Variants in TBCK observed in about 807,000 individuals in gnomAD.
TBCK encodes TBC domain-containing protein kinase-like protein.
In TBCK, 99 loss-of-function variants were observed where a neutral mutation model predicts 113.4. The ratio of observed to expected loss-of-function variants is 0.87; its 90% CI spans 0.74 to 1.03. The LOEUF (loss-of-function observed/expected upper bound fraction) is 1.03. Ranked by LOEUF, TBCK falls within the 50% of genes least tolerant of loss-of-function variation. The pLI is 0.00. For missense variants in TBCK, 1,045 were observed against 1,061.3 expected (o/e 0.98, Z 0.21); for synonymous variants, 369 against 370.8 (o/e 1.00, Z 0.05).
chr4:106,252,070 ACAAT>A (rs1761499864), intron 5 of TBCK, 63 bp from the exon 6 acceptor site: 6 of 1,362,532 alleles, frequency 4.4e-6, no homozygotes, highest in African/African-American at 1.4e-5. Context: ...GTACATTTTT[ACAAT>A]CAATGTGGTA....
chr4:106,157,533 G>A (rs963593965), intron 23 of TBCK, among the ~76,000 whole-genome samples: 1 of 152,140 alleles, frequency 6.6e-6, no homozygotes, highest in Non-Finnish European at 1.5e-5. Context: ...ACTGGGATGG[G>A]CAATTCCCCT....
chr4:106,261,820 C>T (rs1487201269), intron 4 of TBCK, among the ~76,000 whole-genome samples: 1 of 151,628 alleles, frequency 6.6e-6, no homozygotes, highest in African/African-American at 2.4e-5. Context: ...CGCCACAAGG[C>T]TTTAGAAATA....
At chr4:106,212,151 T>A (rs1579255051) in intron 20 of TBCK, among the ~76,000 whole-genome samples, 1 of 152,146 alleles carries the variant, frequency 6.6e-6, no homozygotes, top group Non-Finnish European at 1.5e-5. Context: ...CTCTCCACTT[T>A]CATTTGTTAT....
At chr4:106,221,157 G>C (rs1435642309) in intron 19 of TBCK, among the ~76,000 whole-genome samples, 2 of 152,072 alleles carry the variant, frequency 1.3e-5, no homozygotes, top group Non-Finnish European at 2.9e-5. Context: ...GCTAATTTTT[G>C]TATTTTTAGT....
intron 25 of TBCK, among the ~76,000 whole-genome samples, chr4:106,093,593 T>G (rs970910882): frequency 2.0e-5 from 3 of 152,206 alleles, no homozygotes; most frequent in Non-Finnish European, 4.4e-5. Flanking sequence ...TGGTTTATGA[T>G]CAATAGTCTT....
intron 23 of TBCK, 78 bp from the exon 24 acceptor site, chr4:106,116,456 G>T: frequency 1.7e-6 from 2 of 1,166,640 alleles, no homozygotes; most frequent in South Asian, 1.4e-5. Flanking sequence ...AGAATATCTT[G>T]ATACCAAACA....
intron 25 of TBCK, among the ~76,000 whole-genome samples, chr4:106,089,294 C>G (rs1337263246): frequency 2.6e-5 from 4 of 152,148 alleles, no homozygotes; most frequent in African/African-American, 9.7e-5. Flanking sequence ...CACTTATTAC[C>G]ACTGGGAGGG....
At chr4:106,064,320 A>G (rs923056963) in intron 25 of TBCK, among the ~76,000 whole-genome samples, 1 of 152,000 alleles carries the variant, frequency 6.6e-6, no homozygotes, top group African/African-American at 2.4e-5. Flanking sequence ...GTTTAGTGAT[A>G]GAATATCCAC....
At chr4:106,188,305 G>A (rs1024186930) in intron 22 of TBCK, among the ~76,000 whole-genome samples, 1 of 152,142 alleles carries the variant, frequency 6.6e-6, no homozygotes, top group Non-Finnish European at 1.5e-5. Flanking sequence ...AGCAGTATAT[G>A]TAGGGATATT....
rs1467697225 is a variant in TBCK, at chr4:106,046,677, C to A, written c.2575G>T (p.Ala859Ser). 8 of 1,583,576 alleles carry A rather than the reference C, an allele frequency of 5.1e-6. No individual in the cohort carries two copies. The Admixed American group carries it at 5.2e-5, about 10-fold the overall frequency. ...TATTTCATCTTCACAAGGTGAGCTGCAAACTGGAAAAAAAAAGAGGCAAAA... is the reference window on the plus strand; with the variant it reads ...TATTTCATCTTCACAAGGTGAGCTGAAAACTGGAAAAAAAAAGAGGCAAAA... The part of the protein sequence containing the change: ...GHVAKHTAEF[A>S]AHLVKMKYPR... Residue 859 changes from alanine (A) to serine (S), a missense_variant, in exon 26 of 26, where the codon GCA (alanine) becomes TCA (serine). Coordinates refer to ENST00000394708, the MANE Select transcript of TBCK (RefSeq NM_001163435.3).
Position 106,042,175 on chromosome 4 carries a change from C to A in TBCK, c.*4395G>T, listed in dbSNP as rs532093285. On this transcript the variant is annotated 3_prime_UTR_variant, in exon 26 of 26. Transcript: ENST00000394708. ...CATTTTGCTTCCAATCTGATTTAAT[C>A]AACATTTATCAAGAAAAATGCATTA... 6.6e-6 allele frequency: 1 copy of A among 152,156 alleles called. No homozygotes were observed. The highest frequency in any genetic ancestry group is 2.4e-5 in the African/African-American group (1 of 41,424). 9.4% of individuals were successfully genotyped at this position (152,156 alleles called of 1,614,324 possible). A position where few individuals can be genotyped will look rare whatever the true frequency, so the allele number is the denominator to read the frequency against.
intron 19 of TBCK, among the ~76,000 whole-genome samples, chr4:106,219,641 C>G (rs1361314760): frequency 6.6e-6 from 1 of 151,784 alleles, no homozygotes; most frequent in East Asian, 1.9e-4. Flanking sequence ...TACTCAAGGG[C>G]AAGTAACTAT....
At chr4:106,131,262 G>A (rs755874420) in intron 23 of TBCK, among the ~76,000 whole-genome samples, 2 of 152,186 alleles carry the variant, frequency 1.3e-5, no homozygotes, top group Admixed American at 6.5e-5. Context: ...AATTAAACAT[G>A]TTTCCTTTAT....
chr4:106,223,607 G>C (rs1187534591), intron 19 of TBCK, among the ~76,000 whole-genome samples: 1 of 152,028 alleles, frequency 6.6e-6, no homozygotes, highest in African/African-American at 2.4e-5. Flanking sequence ...AAGATATACA[G>C]GTAAACAGAA....
chr4:106,197,376 A>G (rs1472937486), intron 20 of TBCK, among the ~76,000 whole-genome samples: 3 of 141,722 alleles, frequency 2.1e-5, no homozygotes, highest in Non-Finnish European at 4.5e-5. Context: ...GTACACAGAA[A>G]ACATATCTGA....
intron 23 of TBCK, among the ~76,000 whole-genome samples, chr4:106,128,006 T>C (rs1001696162): frequency 1.3e-5 from 2 of 152,028 alleles, no homozygotes; most frequent in African/African-American, 4.8e-5. Context: ...CCACCCAGTA[T>C]TCCTTAGAAA....
At chr4:106,171,463 T>C (rs1344317462) in intron 22 of TBCK, among the ~76,000 whole-genome samples, 193 bp from the exon 23 acceptor site, 1 of 152,148 alleles carries the variant, frequency 6.6e-6, no homozygotes, top group Admixed American at 6.5e-5. Context: ...AAATATTTGG[T>C]ATAATTTGCT....
At chr4:106,175,214 T>C (rs1751519518) in intron 22 of TBCK, among the ~76,000 whole-genome samples, 1 of 152,010 alleles carries the variant, frequency 6.6e-6, no homozygotes, top group African/African-American at 2.4e-5. Flanking sequence ...TGTTTTTTCA[T>C]AGTTAATTTT....
intron 20 of TBCK, among the ~76,000 whole-genome samples, chr4:106,207,696 C>G (rs562371638): frequency 5.9e-4 from 89 of 152,088 alleles, no homozygotes; most frequent in African/African-American, 1.8e-3. Context: ...TAAAAAAGGC[C>G]TCATCATTTT....
Sources: allele counts gnomAD v4.1 joint callset (sites outside exome capture counted in the v4.1 genomes callset), GRCh38; gene constraint gnomAD v4.1.1; transcripts MANE v1.5; gene names NCBI Gene and HGNC (gene_info 2026-07-23, HGNC 2026-07-21).